COL14A1: variants seen among roughly 807,000 people sequenced by gnomAD.
COL14A1 encodes the protein collagen type XIV alpha 1 chain, also known as collagen alpha-1(XIV) chain.
Under a neutral mutation model 230.3 loss-of-function variants are expected in COL14A1, and 136 were observed. The observed-to-expected ratio is 0.59, with a 90% CI of 0.51 to 0.68. COL14A1 has a LOEUF of 0.68. Ranked by LOEUF, COL14A1 falls within the 30% of genes least tolerant of loss-of-function variation. The probability of loss-of-function intolerance (pLI) is 0.00; values close to 1 mark genes in which losing one functional copy is unlikely to be tolerated. For missense variants in COL14A1, 1,976 were observed against 2,215.8 expected (o/e 0.89, Z 2.17); for synonymous variants, 792 against 784.1 (o/e 1.01, Z -0.17).
intron 19 of COL14A1, among the ~76,000 whole-genome samples, chr8:120,237,827 T>A (rs190751770): frequency 6.6e-6 from 1 of 152,308 alleles, no homozygotes; most frequent in African/African-American, 2.4e-5. Flanking sequence ...ATGTTGATGC[T>A]ATTGCTTCCT....
chr8:120,285,914 A>G lies in COL14A1; in HGVS notation c.4021A>G (p.Thr1341Ala), dbSNP rs1820184249. ...FNYDQSGDFQ[T>A]VTFEGPEIRK... The stretch of plus-strand genomic sequence containing the variant: ...CTATGACCAGAGTGGGGATTTTCAA[A>G]CTGTTACTTTCGAAGGACCTGAAAT... Residue 1341 changes from threonine (T) to alanine (A), a missense_variant, in exon 33 of 48, where the codon ACT (threonine) becomes GCT (alanine). Thr to Ala is a moderately conservative substitution (Grantham distance 58). Transcript: ENST00000297848. 5 of 1,612,286 alleles carry G rather than the reference A, an allele frequency of 3.1e-6. No homozygotes were observed. In the East Asian group the frequency reaches 1.1e-4, roughly 36 times the overall value.
At chr8:120,289,968 T>C (rs181604881) in intron 34 of COL14A1, among the ~76,000 whole-genome samples, 7 of 152,300 alleles carry the variant, frequency 4.6e-5, no homozygotes, top group African/African-American at 1.7e-4. Context: ...ACATGTACAT[T>C]CAAAGCTTGT....
intron 1 of COL14A1, among the ~76,000 whole-genome samples, chr8:120,146,318 C>T (rs1241029574): frequency 6.6e-6 from 1 of 152,090 alleles, no homozygotes; most frequent in Non-Finnish European, 1.5e-5. Flanking sequence ...CTATGCATCT[C>T]CTGAAAAATA....
chr8:120,216,591 G>A lies in COL14A1; in HGVS notation c.1737+101G>A, dbSNP rs564016284. The A allele has an allele frequency of 5.1e-6, 6 of 1,181,412 alleles. No individual in the cohort carries two copies. In the South Asian group the frequency reaches 1.0e-4, roughly 20 times the overall value. The allele number at this position is 1,181,412 out of a possible 1,614,324, so 73.2% of individuals were successfully genotyped here. Reference sequence around the variant, plus strand: ...CAAAGCCTAGTGGCTTAAAATAATAGTAATTATTTATTGTCTCGCATAGTT... The same window carrying A: ...CAAAGCCTAGTGGCTTAAAATAATAATAATTATTTATTGTCTCGCATAGTT... On this transcript the variant is annotated intron_variant, in intron 14 of 47. Transcript: ENST00000297848.
chr8:120,299,656 C>T (rs373340278), intron 35 of COL14A1, among the ~76,000 whole-genome samples: 16 of 152,058 alleles, frequency 1.1e-4, no homozygotes, highest in African/African-American at 3.9e-4. Context: ...TTTCAGAATA[C>T]TTAACTTTAT....
rs190312087 is a variant in COL14A1 at position 120,138,418 on chromosome 8, A to T, written c.-37-9388A>T. 5.5e-4 allele frequency among the ~76,000 whole-genome samples: 84 copies of T among 152,190 alleles called. 1 individual carries two copies. Among genetic ancestry groups the T allele is most frequent in the Non-Finnish European group, 3.1e-4 (21 of 68,020 alleles). Reference sequence around the variant, plus strand: ...CCACATTGTGTCTCATTCCATTCTGACATTTCCCTTCTCAATATCTAGTTT... The same window carrying T: ...CCACATTGTGTCTCATTCCATTCTGTCATTTCCCTTCTCAATATCTAGTTT... On this transcript the variant is annotated intron_variant, in intron 1 of 47. Transcript: ENST00000297848.
intron 8 of COL14A1, among the ~76,000 whole-genome samples, chr8:120,203,456 T>G (rs1464907986): frequency 6.6e-6 from 1 of 152,202 alleles, no homozygotes; most frequent in Admixed American, 6.5e-5. Context: ...GCTTATTTTC[T>G]TTCTATATGA....
At chr8:120,314,106 T>G (rs1821131181) in intron 38 of COL14A1, 79 bp downstream of exon 38, 21 of 1,052,584 alleles carry the variant, frequency 2.0e-5, no homozygotes, top group Non-Finnish European at 2.8e-5. Context: ...ACTTTTGTCT[T>G]CTGTGTCTTA....
intron 2 of COL14A1, among the ~76,000 whole-genome samples, chr8:120,154,177 A>G (rs1450805567): frequency 1.3e-5 from 2 of 152,192 alleles, no homozygotes; most frequent in African/African-American, 4.8e-5. Context: ...GTAGATTGTC[A>G]CTTGACAAAA....
At chr8:120,355,033 G>C (rs182254862) in intron 45 of COL14A1, among the ~76,000 whole-genome samples, 1 of 152,298 alleles carries the variant, frequency 6.6e-6, no homozygotes, top group Admixed American at 6.5e-5. Context: ...ATTCAGAAGA[G>C]AGGACCAGTT....
rs146775872 is a variant in COL14A1 at position 120,262,916 on chromosome 8, G to A, written c.2918G>A (p.Cys973Tyr). 1.2e-5 allele frequency: 20 copies of A among 1,613,598 alleles called. No individual in the cohort carries two copies. Among genetic ancestry groups the A allele is most frequent in the Non-Finnish European group, 1.7e-5 (20 of 1,179,814 alleles). The change falls in exon 24 of 48, where the codon TGC (cysteine) becomes TAC (tyrosine). Residue 973 changes from cysteine to tyrosine, a missense_variant. This residue lies in a region of COL14A1 where 1,791 missense variants were observed against 2,019.5 expected (regional missense o/e 0.89). Coordinates refer to ENST00000297848, the MANE Select transcript of COL14A1 (RefSeq NM_021110.4). ...STVGGGTTRHCFYGLQPDSEY... is the reference protein window; with the variant it reads ...STVGGGTTRHYFYGLQPDSEY... ...GTGGGTGGAGGGACAACCAGGCATT[G>A]CTTCTATGGACTTCAGCCTGATTCT...
intron 4 of COL14A1, among the ~76,000 whole-genome samples, chr8:120,163,222 T>TAAGTATTGG (rs1315854753): frequency 6.6e-6 from 1 of 152,192 alleles, no homozygotes; most frequent in African/African-American, 2.4e-5. Context: ...TACAATGTGA[T>TAAGTATTGG]AAGTATTGGA....
intron 47 of COL14A1, 178 bp from the exon 48 acceptor site, chr8:120,370,974 C>G (rs1023472124): frequency 1.4e-5 from 15 of 1,088,910 alleles, no homozygotes; most frequent in African/African-American, 3.2e-5. Context: ...TTCCCTTCGT[C>G]TATTTACTAA....
intron 45 of COL14A1, among the ~76,000 whole-genome samples, chr8:120,365,583 G>A (rs1381831554): frequency 1.3e-5 from 2 of 152,166 alleles, no homozygotes; most frequent in Non-Finnish European, 2.9e-5. Context: ...TCCACAGCAC[G>A]GTTTTCTGTC....
chr8:120,364,490 T>G (rs570516254), intron 45 of COL14A1, among the ~76,000 whole-genome samples: 9 of 152,218 alleles, frequency 5.9e-5, no homozygotes, highest in Admixed American at 5.9e-4. Flanking sequence ...TCAGTTGTCA[T>G]GGACATGAAC....
rs916433253 is a variant in COL14A1, at chr8:120,325,780, A to G, written c.4660-6361A>G. On this transcript the variant is annotated intron_variant, in intron 40 of 47. Transcript: ENST00000297848. ...AGTGCTAGGATTACAGCCATGAGCC[A>G]CTGCACCTGGCCACATGTTCTGCTT... Among the ~76,000 whole-genome samples, 4 of 152,322 alleles carry G rather than the reference A, an allele frequency of 2.6e-5. No homozygotes were observed. In the East Asian group the frequency reaches 5.8e-4, roughly 22 times the overall value.
intron 36 of COL14A1, among the ~76,000 whole-genome samples, chr8:120,304,423 A>C (rs1454695969): frequency 6.6e-6 from 1 of 152,168 alleles, no homozygotes; most frequent in Non-Finnish European, 1.5e-5. Flanking sequence ...GCTGTATCCC[A>C]GAGATTCTGG....
chr8:120,168,183 G>C lies in COL14A1; in HGVS notation c.372G>C (p.Lys124Asn). ...QFRIKDLEKRKDPKPRVKVVD... is the reference protein window; with the variant it reads ...QFRIKDLEKRNDPKPRVKVVD... The stretch of plus-strand genomic sequence containing the variant: ...CAGTTAAAGATTTAGAAAAAAGAAA[G>C]GATCCAAAGCCCAGAGTCAAAGTTG... Residue 124 changes from lysine (K) to asparagine (N), a missense_variant, in exon 5 of 48, where the codon AAG becomes AAC. Lys to Asn is a moderately conservative substitution (Grantham distance 94, BLOSUM62 0). Transcript: ENST00000297848. 6.2e-7 allele frequency: 1 copy of C among 1,611,762 alleles called. No individual in the cohort carries two copies. Among genetic ancestry groups the C allele is most frequent in the African/African-American group, 1.3e-5 (1 of 74,934 alleles).
intron 36 of COL14A1, among the ~76,000 whole-genome samples, chr8:120,307,968 T>A (rs1820903600): frequency 6.6e-6 from 1 of 152,236 alleles, no homozygotes; most frequent in Non-Finnish European, 1.5e-5. Flanking sequence ...AATTGAAGCA[T>A]TTAAAAATTT....
Sources: allele counts gnomAD v4.1 joint callset (sites outside exome capture counted in the v4.1 genomes callset), GRCh38; gene constraint gnomAD v4.1.1; regional missense constraint gnomAD v4.1.1; transcripts MANE v1.5; gene names NCBI Gene and HGNC (gene_info 2026-07-23, HGNC 2026-07-21).